Variants in TTBK2 observed in about 807,000 individuals in gnomAD.
TTBK2 encodes tau tubulin kinase 2.
Under a neutral mutation model 110.8 loss-of-function variants are expected in TTBK2, and 28 were observed. That is an observed-to-expected ratio of 0.25 (90% CI 0.19 to 0.35). The LOEUF (loss-of-function observed/expected upper bound fraction) is 0.35, where lower values mean the gene tolerates loss of function less well. Ranked by LOEUF, TTBK2 falls within the 10% of genes least tolerant of loss-of-function variation. The pLI is 1.00. For missense variants in TTBK2, 1,369 were observed against 1,500.3 expected (o/e 0.91, Z 1.45); for synonymous variants, 532 against 527.3 (o/e 1.01, Z -0.12).
At chr15:42,823,537 A>T (rs1892399394) in intron 6 of TTBK2, among the ~76,000 whole-genome samples, 1 of 152,110 alleles carries the variant, frequency 6.6e-6, no homozygotes, top group Non-Finnish European at 1.5e-5. Context: ...ATACCACAAG[A>T]TTGGTAAATA....
At chr15:42,818,549 C>A (rs908376965) in intron 6 of TTBK2, among the ~76,000 whole-genome samples, 1 of 152,008 alleles carries the variant, frequency 6.6e-6, no homozygotes, top group Non-Finnish European at 1.5e-5. Flanking sequence ...GAAACCCCAT[C>A]TCTACTAAAA....
intron 9 of TTBK2, chr15:42,801,237 T>C (rs1273025596): frequency 6.5e-7 from 1 of 1,533,890 alleles, no homozygotes. Flanking sequence ...CTCCAACAGC[T>C]TCCTGTAGGT....
chr15:42,887,077 T>A (rs1895275581), intron 1 of TTBK2, among the ~76,000 whole-genome samples: 1 of 152,296 alleles, frequency 6.6e-6, no homozygotes, highest in African/African-American at 2.4e-5. Flanking sequence ...CATTACCTTC[T>A]TTTCAAGGGC....
At chr15:42,863,887 A>G (rs544952757) in intron 3 of TTBK2, among the ~76,000 whole-genome samples, 1 of 152,338 alleles carries the variant, frequency 6.6e-6, no homozygotes. Flanking sequence ...ATATGCAGAA[A>G]ATTGAAACTA....
In TTBK2 at chr15:42,752,287, G is replaced by T. The variant is rs969467277; in HGVS notation, c.2959C>A (p.Gln987Lys). 1 of 1,614,174 alleles carries T rather than the reference G, an allele frequency of 6.2e-7. No individual in the cohort carries two copies. Among genetic ancestry groups the T allele is most frequent in the South Asian group, 1.1e-5 (1 of 91,076 alleles). The change falls in exon 14 of 15, where the codon CAA becomes AAA. Residue 987 changes from glutamine to lysine, a missense_variant. Around this residue, in one of 4 missense-constraint regions of TTBK2, gnomAD observed 1,097 missense variants for 1,114.7 expected, o/e 0.98. Transcript: ENST00000267890. ...AGGTCGCCAAGGAAGGACTTGAATTGTCTTTTTTCCACCAGAAGCTTGACT... is the reference window on the plus strand; with the variant it reads ...AGGTCGCCAAGGAAGGACTTGAATTTTCTTTTTTCCACCAGAAGCTTGACT... ...DLVKLLVEKR[Q>K]FKSFLGDLSS... is the part of the protein sequence containing the mutation.
intron 12 of TTBK2, 141 bp downstream of exon 12, chr15:42,776,890 T>C (rs1889947983): frequency 1.3e-6 from 1 of 771,624 alleles, no homozygotes; most frequent in East Asian, 2.7e-5. Context: ...TGGAGCTGAA[T>C]AGACTCAGTG....
intron 13 of TTBK2, among the ~76,000 whole-genome samples, chr15:42,769,362 A>T (rs1889548945): frequency 6.6e-6 from 1 of 152,232 alleles, no homozygotes; most frequent in African/African-American, 2.4e-5. Context: ...CAATCTACTC[A>T]TCTGACAAAG....
chr15:42,792,733 T>C (rs1223436673), intron 10 of TTBK2, among the ~76,000 whole-genome samples: 2 of 152,230 alleles, frequency 1.3e-5, no homozygotes, highest in Non-Finnish European at 2.9e-5. Context: ...GCATGAAAGA[T>C]ACTGCACTAG....
intron 9 of TTBK2, among the ~76,000 whole-genome samples, chr15:42,797,491 T>A (rs1890995778): frequency 6.6e-6 from 1 of 152,186 alleles, no homozygotes; most frequent in African/African-American, 2.4e-5. Flanking sequence ...GGCACCCTAG[T>A]GGGAACAAAT....
chr15:42,795,710 G>C (rs891391295), intron 9 of TTBK2, among the ~76,000 whole-genome samples: 4 of 151,924 alleles, frequency 2.6e-5, no homozygotes, highest in Admixed American at 2.0e-4. Flanking sequence ...GGGTGTGGTG[G>C]TACACGCCTG....
chr15:42,837,407 C>T (rs1893034215), intron 4 of TTBK2, among the ~76,000 whole-genome samples: 1 of 150,714 alleles, frequency 6.6e-6, no homozygotes, highest in Non-Finnish European at 1.5e-5. Flanking sequence ...CCTGTAATCC[C>T]AGCACTTTGG....
chr15:42,883,042 T>C (rs530310548), intron 1 of TTBK2, among the ~76,000 whole-genome samples: 15 of 152,230 alleles, frequency 9.9e-5, no homozygotes, highest in African/African-American at 2.9e-4. Flanking sequence ...AATTAAAAAC[T>C]GGCTGAAGGG....
At chr15:42,804,087 A>G (rs545612823) in intron 9 of TTBK2, among the ~76,000 whole-genome samples, 16 of 151,636 alleles carry the variant, frequency 1.1e-4, no homozygotes, top group African/African-American at 3.9e-4. Context: ...AAAACTACTT[A>G]CATTTCTTAC....
intron 1 of TTBK2, among the ~76,000 whole-genome samples, chr15:42,914,219 G>C (rs2030958433): frequency 6.6e-6 from 1 of 151,872 alleles, no homozygotes; most frequent in South Asian, 2.1e-4. Context: ...CTCGTGATCT[G>C]CCCGCCTCAG....
chr15:42,818,921 T>C (rs1235881956), intron 6 of TTBK2, among the ~76,000 whole-genome samples: 1 of 141,338 alleles, frequency 7.1e-6, no homozygotes, highest in Non-Finnish European at 1.6e-5. Context: ...AGACTCCGTC[T>C]CAAAAAAAAA....
intron 1 of TTBK2, among the ~76,000 whole-genome samples, chr15:42,889,063 G>T (rs1354806783): frequency 6.6e-6 from 1 of 152,106 alleles, no homozygotes; most frequent in African/African-American, 2.4e-5. Context: ...TAGGTTATAA[G>T]CCACTAGCCC....
At chr15:42,800,945 G>A (rs764555710) in intron 9 of TTBK2, 3 of 731,380 alleles carry the variant, frequency 4.1e-6, no homozygotes, top group East Asian at 2.4e-5. Context: ...CCGCAGGAGG[G>A]ACAGGCTGGG....
intron 14 of TTBK2, among the ~76,000 whole-genome samples, chr15:42,750,564 G>C (rs1049791364): frequency 8.6e-5 from 13 of 151,746 alleles, no homozygotes; most frequent in African/African-American, 3.1e-4. Flanking sequence ...TTGAGTCTGA[G>C]GTACAGAAAA....
intron 13 of TTBK2, among the ~76,000 whole-genome samples, chr15:42,773,579 A>G (rs1889770210): frequency 6.6e-6 from 1 of 152,262 alleles, no homozygotes; most frequent in African/African-American, 2.4e-5. Context: ...AACCATGAGC[A>G]CAATCTTTGT....
Sources: allele counts gnomAD v4.1 joint callset (sites outside exome capture counted in the v4.1 genomes callset), GRCh38; gene constraint gnomAD v4.1.1; regional missense constraint gnomAD v4.1.1; transcripts MANE v1.5; gene names NCBI Gene and HGNC (gene_info 2026-07-23, HGNC 2026-07-21).